Variants in SCAPER observed in about 807,000 individuals in gnomAD.
SCAPER encodes the protein S phase cyclin A-associated protein in the endoplasmic reticulum.
SCAPER carries 98 observed loss-of-function variants against 182.2 expected under a neutral mutation model. The ratio of observed to expected loss-of-function variants is 0.54; its 90% CI spans 0.46 to 0.64. The LOEUF (loss-of-function observed/expected upper bound fraction) is 0.64. SCAPER is among the 30% of genes least tolerant of loss of function. The pLI, the probability that SCAPER is intolerant of heterozygous loss-of-function variation, is 0.00. For synonymous variants in SCAPER, 605 were observed against 564.6 expected (o/e 1.07, Z -1.01); for missense variants, 1,432 against 1,690.0 (o/e 0.85, Z 2.68).
At chr15:76,667,283 G>A (rs1031006933) in intron 20 of SCAPER, among the ~76,000 whole-genome samples, 2 of 152,050 alleles carry the variant, frequency 1.3e-5, no homozygotes, top group Non-Finnish European at 2.9e-5. Context: ...TAGGTTTCCT[G>A]ACATCACATT....
At chr15:76,403,806 G>T (rs542266420) in intron 27 of SCAPER, among the ~76,000 whole-genome samples, 4 of 152,118 alleles carry the variant, frequency 2.6e-5, no homozygotes, top group Admixed American at 2.0e-4. Flanking sequence ...TATTATCAAC[G>T]ATTCTTACTT....
intron 20 of SCAPER, among the ~76,000 whole-genome samples, chr15:76,666,654 T>C (rs1041273949): frequency 6.6e-6 from 1 of 151,958 alleles, no homozygotes; most frequent in Non-Finnish European, 1.5e-5. Flanking sequence ...CAACTTTACA[T>C]TAGTTAATCT....
At chr15:76,800,099 G>A (rs2065644435) in intron 7 of SCAPER, 149 bp downstream of exon 7, 2 of 449,846 alleles carry the variant, frequency 4.4e-6, no homozygotes, top group Non-Finnish European at 8.2e-6. Flanking sequence ...AACACACAGT[G>A]TTCCCCTCCT....
At chr15:76,540,411 T>A (rs1398051992) in intron 23 of SCAPER, among the ~76,000 whole-genome samples, 1 of 152,078 alleles carries the variant, frequency 6.6e-6, no homozygotes, top group East Asian at 1.9e-4. Flanking sequence ...TAAAAAAATT[T>A]TCTTTTAAAA....
intron 4 of SCAPER, among the ~76,000 whole-genome samples, chr15:76,851,947 T>C (rs147295641): frequency 9.8e-4 from 148 of 151,732 alleles, no homozygotes; most frequent in Non-Finnish European, 1.8e-3. Flanking sequence ...GAGACCCATA[T>C]CACACATAGA....
intron 21 of SCAPER, among the ~76,000 whole-genome samples, chr15:76,625,671 A>G (rs184670021): frequency 5.3e-5 from 8 of 152,286 alleles, no homozygotes; most frequent in African/African-American, 1.9e-4. Context: ...GTGAGGCCCA[A>G]GCATGGACTC....
In SCAPER at chr15:76,865,626, G is replaced by A. The variant is rs544131604; in HGVS notation, c.7-3093C>T. On this transcript the variant is annotated intron_variant, in intron 2 of 31. Coordinates refer to ENST00000563290, the MANE Select transcript of SCAPER (RefSeq NM_020843.4). ...ACAGAGACAAATTGTGTTATGGTAA[G>A]AAAGAGGGAATGACAATAGGTGCTA... 2.4e-4 allele frequency among the ~76,000 whole-genome samples: 36 copies of A among 152,248 alleles called. 1 individual carries two copies. Among genetic ancestry groups the A allele is most frequent in the African/African-American group, 7.9e-4 (33 of 41,560 alleles).
rs917380646 is a variant in SCAPER, at chr15:76,476,493, A to G, written c.2955-5158T>C. 2.6e-4 allele frequency among the ~76,000 whole-genome samples: 40 copies of G among 151,342 alleles called. 1 individual carries two copies. The highest frequency in any genetic ancestry group is 9.0e-4 in the African/African-American group (37 of 41,156). ...ACCCAGGCTGGAGTGCAGTGGCATG[A>G]TCATAGCTCAATGCAGCCTGAAACT... On this transcript the variant is annotated intron_variant, in intron 24 of 31. Transcript: ENST00000563290.
At chr15:76,361,423 G>A (rs1028588818) in intron 29 of SCAPER, among the ~76,000 whole-genome samples, 8 of 152,138 alleles carry the variant, frequency 5.3e-5, no homozygotes, top group Non-Finnish European at 7.3e-5. Flanking sequence ...TGCCTTCACC[G>A]AGTGCCCAGT....
intron 24 of SCAPER, among the ~76,000 whole-genome samples, chr15:76,494,861 C>A (rs1258584442): frequency 6.6e-6 from 1 of 152,036 alleles, no homozygotes; most frequent in Non-Finnish European, 1.5e-5. Flanking sequence ...TACTGGCAGA[C>A]TGATAATATT....
chr15:76,736,466 A>G (rs950786991), intron 15 of SCAPER, among the ~76,000 whole-genome samples: 1 of 152,226 alleles, frequency 6.6e-6, no homozygotes, highest in Non-Finnish European at 1.5e-5. Flanking sequence ...TACCCATAGT[A>G]GAGTTTCTTT....
intron 22 of SCAPER, among the ~76,000 whole-genome samples, chr15:76,595,777 C>T (rs184308744): frequency 8.2e-6 from 1 of 121,786 alleles, no homozygotes; most frequent in Non-Finnish European, 2.0e-5. Flanking sequence ...GGAAGAAATA[C>T]AAAATGTTCC....
chr15:76,425,001 G>A (rs1001025677), intron 26 of SCAPER, among the ~76,000 whole-genome samples: 1 of 152,162 alleles, frequency 6.6e-6, no homozygotes, highest in Non-Finnish European at 1.5e-5. Context: ...TTAGTCTGAT[G>A]GGCTTCCCTT....
intron 23 of SCAPER, among the ~76,000 whole-genome samples, chr15:76,568,890 T>C (rs1567483069): frequency 2.0e-5 from 3 of 151,976 alleles, no homozygotes; most frequent in Admixed American, 1.3e-4. Flanking sequence ...ATTTTGATAA[T>C]ATATAAATAT....
intron 5 of SCAPER, among the ~76,000 whole-genome samples, chr15:76,824,420 A>G (rs1469140361): frequency 6.6e-6 from 1 of 152,204 alleles, no homozygotes; most frequent in Non-Finnish European, 1.5e-5. Context: ...ACATCAATAC[A>G]GCCCTCCAAT....
chr15:76,637,770 GT>G (rs2053757184), intron 21 of SCAPER, among the ~76,000 whole-genome samples: 2 of 143,068 alleles, frequency 1.4e-5, no homozygotes, highest in Non-Finnish European at 3.0e-5. Flanking sequence ...GTGTGTGTGT[GT>G]GTGTGTGTGT....
At chr15:76,770,660 C>T (rs902721556) in intron 10 of SCAPER, among the ~76,000 whole-genome samples, 1 of 151,974 alleles carries the variant, frequency 6.6e-6, no homozygotes, top group Non-Finnish European at 1.5e-5. Context: ...TTATTTCATG[C>T]TTATTTAAGG....
At chr15:76,631,428 C>T (rs1017624339) in intron 21 of SCAPER, among the ~76,000 whole-genome samples, 2 of 152,088 alleles carry the variant, frequency 1.3e-5, no homozygotes, top group African/African-American at 2.4e-5. Flanking sequence ...TGGCTGGTAA[C>T]GTTCTTTCCT....
intron 15 of SCAPER, among the ~76,000 whole-genome samples, chr15:76,741,624 G>T (rs2061543116): frequency 1.3e-5 from 2 of 152,052 alleles, no homozygotes; most frequent in Non-Finnish European, 1.5e-5. Flanking sequence ...GTATACATAG[G>T]ACTCCAAAGA....
Sources: gnomAD v4.1 joint callset for allele counts (sites outside exome capture counted in the v4.1 genomes callset) on GRCh38, gnomAD v4.1.1 for gene constraint, MANE v1.5 for transcripts, NCBI Gene and HGNC (gene_info 2026-07-23, HGNC 2026-07-21) for gene names.